The following TRPS1 variants were observed in gnomAD, a reference collection of about 807,000 sequenced individuals.
The protein encoded by TRPS1 is zinc finger transcription factor Trps1.
Under a neutral mutation model 101.2 loss-of-function variants are expected in TRPS1, and 6 were observed. The ratio of observed to expected loss-of-function variants is 0.06; its 90% CI spans 0.03 to 0.12. TRPS1 has a LOEUF of 0.12. Among genes scored for constraint, TRPS1 ranks in the 10% least tolerant of loss-of-function variants. TRPS1 has a pLI of 1.00. For synonymous variants in TRPS1, 578 were observed against 589.8 expected (o/e 0.98, Z 0.29); for missense variants, 1,363 against 1,567.0 (o/e 0.87, Z 2.20).
intron 5 of TRPS1, among the ~76,000 whole-genome samples, chr8:115,486,081 C>A (rs1814871947): frequency 6.6e-6 from 1 of 152,184 alleles, no homozygotes; most frequent in African/African-American, 2.4e-5. Context: ...CTGCATCCTG[C>A]AAGTCTAAAG....
intron 5 of TRPS1, among the ~76,000 whole-genome samples, chr8:115,471,870 T>C (rs890800452): frequency 1.3e-5 from 2 of 152,216 alleles, no homozygotes; most frequent in Non-Finnish European, 2.9e-5. Context: ...ACTCCATGTG[T>C]CACAAGTAGG....
chr8:115,664,421 A>G (rs927060977), intron 1 of TRPS1, among the ~76,000 whole-genome samples: 8 of 152,148 alleles, frequency 5.3e-5, no homozygotes, highest in East Asian at 1.9e-4. Flanking sequence ...TCCATAAATC[A>G]TAACTATTAT....
intron 4 of TRPS1, among the ~76,000 whole-genome samples, chr8:115,600,379 C>G (rs1209299298): frequency 2.0e-5 from 3 of 152,136 alleles, no homozygotes; most frequent in African/African-American, 4.8e-5. Flanking sequence ...CTATCAATAT[C>G]TTGGAGGTAA....
intron 1 of TRPS1, among the ~76,000 whole-genome samples, chr8:115,650,502 C>A (rs1811535413): frequency 1.3e-5 from 2 of 152,082 alleles, no homozygotes; most frequent in Admixed American, 1.3e-4. Context: ...CTTAATTTTC[C>A]AGAGCTGTTT....
At chr8:115,457,664 GCTTTA>G (rs1426192475) in intron 5 of TRPS1, among the ~76,000 whole-genome samples, 2 of 152,100 alleles carry the variant, frequency 1.3e-5, no homozygotes, top group Non-Finnish European at 2.9e-5. Flanking sequence ...AATATAGGTA[GCTTTA>G]CTTTAAAGGT....
chr8:115,566,357 AC>A lies in TRPS1; in HGVS notation c.2700+20643del, dbSNP rs747227899. Among the ~76,000 whole-genome samples the A allele has an allele frequency of 2.0e-5, 3 of 152,168 alleles. No individual in the cohort carries two copies. In the South Asian group the frequency reaches 6.2e-4, roughly 31 times the overall value. ...AAGCCTGCAGCAACAAGAAGAATAC[AC>A]ACCTGTTGCTCAAGGCCAGTTGGCA... On this transcript the variant is annotated intron_variant, in intron 5 of 6. Coordinates refer to ENST00000395715, the MANE Select transcript of TRPS1 (RefSeq NM_014112.5).
intron 5 of TRPS1, among the ~76,000 whole-genome samples, chr8:115,559,650 C>T (rs748829239): frequency 2.0e-5 from 3 of 151,910 alleles, no homozygotes; most frequent in African/African-American, 4.8e-5. Flanking sequence ...TCATCACATT[C>T]GATGCCATAT....
At chr8:115,572,702 C>T (rs1817233177) in intron 5 of TRPS1, among the ~76,000 whole-genome samples, 1 of 152,124 alleles carries the variant, frequency 6.6e-6, no homozygotes, top group Admixed American at 6.5e-5. Context: ...CCTCTATTCC[C>T]TATGACAGCC....
intron 5 of TRPS1, among the ~76,000 whole-genome samples, chr8:115,559,867 G>T (rs1382903425): frequency 1.3e-5 from 2 of 151,974 alleles, no homozygotes; most frequent in East Asian, 3.9e-4. Context: ...GACAATGGAT[G>T]GATGAACTGG....
chr8:115,414,748 T>C lies in TRPS1; in HGVS notation c.3160A>G (p.Ser1054Gly). Reference sequence around the variant, plus strand: ...GGATCTCCAGTACTTTCCTGAGGACTTTTTATCTGAATGTGCAAAGGTTGC... The same window carrying C: ...GGATCTCCAGTACTTTCCTGAGGACCTTTTATCTGAATGTGCAAAGGTTGC... ...RMQPLHIQIK[S>G]PQESTGDPGN... The change falls in exon 7 of 7, where the codon AGT becomes GGT. Residue 1054 changes from serine to glycine, a missense_variant. Physicochemically the swap from Ser to Gly is moderately conservative, Grantham distance 56. Coordinates refer to ENST00000395715, the MANE Select transcript of TRPS1 (RefSeq NM_014112.5). The surrounding 1 kb of genome is among the most constrained non-coding windows in gnomAD (Gnocchi z 4.8). 2 of 1,614,072 alleles carry C rather than the reference T, an allele frequency of 1.2e-6. No homozygotes were observed. The highest frequency in any genetic ancestry group is 1.7e-6 in the Non-Finnish European group (2 of 1,179,960).
In TRPS1 at chr8:115,482,969, T is replaced by A. The variant is rs550550917; in HGVS notation, c.2701-64517A>T. Among the ~76,000 whole-genome samples the A allele has an allele frequency of 1.6e-4, 24 of 152,356 alleles. No homozygotes were observed. In the South Asian group the frequency reaches 4.1e-3, roughly 26 times the overall value. On this transcript the variant is annotated intron_variant, in intron 5 of 6. Transcript: ENST00000395715. ...TAGTAATAAGCAGTAGCAATTTGCC[T>A]TTTACATATGAGTTTTATTTAACTG...
At chr8:115,467,389 G>T (rs1327518030) in intron 5 of TRPS1, among the ~76,000 whole-genome samples, 1 of 151,188 alleles carries the variant, frequency 6.6e-6, no homozygotes, top group Non-Finnish European at 1.5e-5. Flanking sequence ...ACTGAGGTGT[G>T]AATGGAGGAT....
At chr8:115,419,746 A>C (rs1813006221) in intron 5 of TRPS1, among the ~76,000 whole-genome samples, 1 of 152,222 alleles carries the variant, frequency 6.6e-6, no homozygotes, top group Non-Finnish European at 1.5e-5. Flanking sequence ...GGTGTTTCAC[A>C]ATGTATCACT....
chr8:115,536,649 A>C (rs1028105940), intron 5 of TRPS1, among the ~76,000 whole-genome samples: 2 of 152,078 alleles, frequency 1.3e-5, no homozygotes, highest in Non-Finnish European at 2.9e-5. Context: ...TAATTAATAT[A>C]AAAGGTACCA....
At chr8:115,528,141 T>G (rs1300813458) in intron 5 of TRPS1, among the ~76,000 whole-genome samples, 1 of 152,086 alleles carries the variant, frequency 6.6e-6, no homozygotes, top group Non-Finnish European at 1.5e-5. Context: ...CATAAAAGAC[T>G]GATACAACCT....
chr8:115,558,689 A>AT (rs1242448522), intron 5 of TRPS1, among the ~76,000 whole-genome samples: 1 of 152,126 alleles, frequency 6.6e-6, no homozygotes, highest in Non-Finnish European at 1.5e-5. Flanking sequence ...TACAATTAAG[A>AT]TTTTTCAAAT....
intron 5 of TRPS1, among the ~76,000 whole-genome samples, chr8:115,548,313 C>T (rs1452775343): frequency 2.0e-5 from 3 of 152,012 alleles, no homozygotes; most frequent in Non-Finnish European, 4.4e-5. Flanking sequence ...CAACAACATT[C>T]ATTTTTTTGT....
intron 5 of TRPS1, among the ~76,000 whole-genome samples, chr8:115,582,549 GC>G (rs1563620656): frequency 1.3e-5 from 2 of 152,034 alleles, no homozygotes; most frequent in Non-Finnish European, 2.9e-5. Context: ...ATCTCAAATG[GC>G]CTGACAAACG....
chr8:115,440,014 G>C (rs891039864), intron 5 of TRPS1, among the ~76,000 whole-genome samples: 2 of 152,214 alleles, frequency 1.3e-5, no homozygotes, highest in Non-Finnish European at 2.9e-5. Context: ...TGGCCCTCTA[G>C]TGCAGTTGTC....
Sources: allele counts gnomAD v4.1 joint callset (sites outside exome capture counted in the v4.1 genomes callset), GRCh38; gene constraint gnomAD v4.1.1; non-coding constraint Gnocchi (gnomAD v3.1); transcripts MANE v1.5; gene names NCBI Gene and HGNC (gene_info 2026-07-23, HGNC 2026-07-21).